Variants in DPP6 observed in about 807,000 individuals in gnomAD.
The protein encoded by DPP6 is dipeptidyl peptidase like 6, also known as A-type potassium channel modulatory protein DPP6.
DPP6 carries 69 observed loss-of-function variants against 122.6 expected under a neutral mutation model. The observed-to-expected ratio is 0.56, with a 90% CI of 0.46 to 0.69. The LOEUF is 0.69. DPP6 is among the 30% of genes least tolerant of loss of function. The probability of loss-of-function intolerance (pLI) is 0.00; values close to 1 mark genes in which losing one functional copy is unlikely to be tolerated. For synonymous variants in DPP6, 418 were observed against 433.1 expected (o/e 0.97, Z 0.43); for missense variants, 928 against 1,116.9 (o/e 0.83, Z 2.41).
intron 1 of DPP6, among the ~76,000 whole-genome samples, chr7:153,965,031 C>T (rs112710186): frequency 0.011 from 1,358 of 119,558 alleles, 239 homozygotes; most frequent in African/African-American, 0.056. Flanking sequence ...TTCCTTCCTT[C>T]CTTTCTTTCT....
chr7:154,020,260 GA>G (rs1177521719), intron 1 of DPP6, among the ~76,000 whole-genome samples: 3 of 151,694 alleles, frequency 2.0e-5, no homozygotes, highest in African/African-American at 4.9e-5. Flanking sequence ...TCTCTGTGGG[GA>G]ATTGCTGTGA....
At chr7:154,404,181 T>C (rs1815878509) in intron 1 of DPP6, among the ~76,000 whole-genome samples, 1 of 152,210 alleles carries the variant, frequency 6.6e-6, no homozygotes, top group East Asian at 1.9e-4. Context: ...TCAAAGCCGC[T>C]GTCTAATCAC....
At chr7:154,373,332 A>G (rs75336291) in intron 1 of DPP6, among the ~76,000 whole-genome samples, 14,915 of 152,208 alleles carry the variant, frequency 0.098, 730 homozygotes, top group East Asian at 0.12. Context: ...TTCTTTTTTT[A>G]TTTGATTAAT....
chr7:154,549,876 G>A (rs962727944), intron 4 of DPP6, among the ~76,000 whole-genome samples: 2 of 152,188 alleles, frequency 1.3e-5, no homozygotes, highest in African/African-American at 4.8e-5. Context: ...TGGAGGCATA[G>A]TTTACAAATT....
intron 25 of DPP6, 180 bp downstream of exon 25, chr7:154,889,710 T>A: frequency 1.1e-6 from 1 of 918,184 alleles, no homozygotes; most frequent in Non-Finnish European, 1.6e-6. Context: ...TTCTTATAAT[T>A]AATGATAGCT....
chr7:154,407,532 A>G, intron 1 of DPP6, among the ~76,000 whole-genome samples: 1 of 152,062 alleles, frequency 6.6e-6, no homozygotes, highest in East Asian at 1.9e-4. Flanking sequence ...AAAGATATTC[A>G]CCCTTGGTCC....
intron 1 of DPP6, among the ~76,000 whole-genome samples, chr7:154,228,104 A>T (rs555844142): frequency 1.3e-5 from 2 of 152,226 alleles, no homozygotes; most frequent in East Asian, 1.9e-4. Flanking sequence ...TAATAATCAA[A>T]TGGGATCCTG....
chr7:154,669,155 G>C (rs1214453840), intron 6 of DPP6, among the ~76,000 whole-genome samples: 1 of 152,134 alleles, frequency 6.6e-6, no homozygotes, highest in Non-Finnish European at 1.5e-5. Flanking sequence ...ACCTATTTCA[G>C]CTTCATATAA....
intron 1 of DPP6, among the ~76,000 whole-genome samples, chr7:153,900,868 A>C (rs1051339733): frequency 6.6e-6 from 1 of 152,186 alleles, no homozygotes; most frequent in Non-Finnish European, 1.5e-5. Context: ...AAATAATTTA[A>C]CTTTCTTACT....
rs35188883 is a variant in DPP6 at position 154,813,877 on chromosome 7, C to CTTTTTTTTTTTTTTTTTTTTT, written c.1666+6785_1666+6786insTTTTTTTTTTTTTTTTTTTTT. Among the ~76,000 whole-genome samples, 2 of 94,472 alleles carry CTTTTTTTTTTTTTTTTTTTTT rather than the reference C, an allele frequency of 2.1e-5. 1 individual carries two copies. Among genetic ancestry groups the CTTTTTTTTTTTTTTTTTTTTT allele is most frequent in the Non-Finnish European group, 3.9e-5 (2 of 51,436 alleles). The allele number at this position is 94,472 out of a possible 152,430, so 62.0% of individuals were successfully genotyped here. On this transcript the variant is annotated intron_variant, in intron 16 of 25. Transcript: ENST00000377770. The stretch of plus-strand genomic sequence containing the variant: ...TCTTTACAATTTGAAAAGCACATTT[C>CTTTTTTTTTTTTTTTTTTTTT]TTTTTTTTTTTTTTTTTTTTGAGAT...
chr7:154,155,911 C>G (rs1432151594), intron 1 of DPP6, among the ~76,000 whole-genome samples: 2 of 152,124 alleles, frequency 1.3e-5, no homozygotes, highest in Non-Finnish European at 2.9e-5. Context: ...TTGTGTACTC[C>G]CAATGGTTGT....
the DPP6 span, among the ~76,000 whole-genome samples, chr7:153,796,829 C>T: frequency 6.6e-6 from 1 of 152,100 alleles, no homozygotes; most frequent in Non-Finnish European, 1.5e-5. Flanking sequence ...GGTAAAATAC[C>T]CAGGAGCCCT....
intron 3 of DPP6, among the ~76,000 whole-genome samples, chr7:154,517,647 G>A (rs1226193010): frequency 6.6e-6 from 1 of 152,048 alleles, no homozygotes; most frequent in East Asian, 1.9e-4. Context: ...TTGTTTAAGG[G>A]AAGAAAATTT....
chr7:154,525,031 C>G (rs1554577965), intron 3 of DPP6, among the ~76,000 whole-genome samples: 1 of 152,038 alleles, frequency 6.6e-6, no homozygotes, highest in Non-Finnish European at 1.5e-5. Context: ...GCTTCTAGCC[C>G]GTTTTCATGG....
the DPP6 span, among the ~76,000 whole-genome samples, chr7:153,815,553 G>A: frequency 2.7e-5 from 4 of 150,372 alleles, no homozygotes; most frequent in Admixed American, 6.6e-5. Flanking sequence ...AGAGTGTGGC[G>A]TTCCCCTTCC....
chr7:154,776,269 T>TAGAC (rs946466983), intron 10 of DPP6, among the ~76,000 whole-genome samples: 2 of 147,940 alleles, frequency 1.4e-5, no homozygotes, highest in African/African-American at 5.0e-5. Context: ...AGATGATTGA[T>TAGAC]AGACAGATAG....
At chr7:154,844,952 C>A (rs1441512952) in intron 16 of DPP6, among the ~76,000 whole-genome samples, 2 of 152,206 alleles carry the variant, frequency 1.3e-5, no homozygotes, top group Non-Finnish European at 2.9e-5. Flanking sequence ...GACATGGAGA[C>A]TGCTACCCTT....
chr7:153,843,840 T>C, the DPP6 span, among the ~76,000 whole-genome samples: 3 of 151,902 alleles, frequency 2.0e-5, no homozygotes, highest in Non-Finnish European at 4.4e-5. Flanking sequence ...TTACAAACAA[T>C]CCATAGAAAC....
chr7:154,059,689 T>G (rs1276285564), intron 1 of DPP6: 1 of 150,016 alleles, frequency 6.7e-6, no homozygotes, highest in Non-Finnish European at 1.5e-5. Context: ...TACAAGAAAA[T>G]CTTCTGACAG....
Sources: allele counts gnomAD v4.1 joint callset (sites outside exome capture counted in the v4.1 genomes callset), GRCh38; gene constraint gnomAD v4.1.1; transcripts MANE v1.5; gene names NCBI Gene and HGNC (gene_info 2026-07-23, HGNC 2026-07-21).